The following SLC5A6 variants were observed in gnomAD, a reference collection of about 807,000 sequenced individuals.
The protein encoded by SLC5A6 is solute carrier family 5 member 6.
A neutral mutation model predicts 67.9 loss-of-function variants in SLC5A6; 31 were observed. The ratio of observed to expected loss-of-function variants is 0.46; its 90% CI spans 0.34 to 0.62. The LOEUF (loss-of-function observed/expected upper bound fraction) is 0.62, where lower values mean the gene tolerates loss of function less well. Ranked by LOEUF, SLC5A6 falls within the 20% of genes least tolerant of loss-of-function variation. The pLI is 0.01. For synonymous variants in SLC5A6, 343 were observed against 331.0 expected (o/e 1.04, Z -0.39); for missense variants, 673 against 812.8 (o/e 0.83, Z 2.09).
intron 9 of SLC5A6, 114 bp from the exon 10 acceptor site, chr2:27,203,981 A>C: frequency 1.4e-6 from 1 of 732,014 alleles, no homozygotes; most frequent in Non-Finnish European, 2.3e-6. Flanking sequence ...GACTGGGTGC[A>C]TTACAAGGGA....
rs896275569 is a variant in SLC5A6 at position 27,207,382 on chromosome 2, G to A, written c.269C>T (p.Ser90Leu). The A allele has an allele frequency of 6.2e-6, 10 of 1,614,076 alleles. No individual in the cohort carries two copies. The highest frequency in any genetic ancestry group is 8.5e-6 in the Non-Finnish European group (10 of 1,180,056). ...QSAVAILGVP[S>L]EIYRFGTQYW... is the part of the protein sequence containing the mutation. ...TTGGGTCCCAAATCGGTAGATCTCT[G>A]ACGGCACACCCAGGATGGCCACGGC... is the stretch of plus-strand genomic sequence containing the variant. Residue 90 changes from serine (S) to leucine (L), a missense_variant, in exon 3 of 17, where the codon TCA becomes TTA. Physicochemically the swap from Ser to Leu is moderately radical, Grantham distance 145 (BLOSUM62 -2). Transcript: ENST00000310574. This position sits in a 1 kb window ranked among gnomAD's most constrained non-coding sequence, Gnocchi z 5.5.
In SLC5A6 at chr2:27,205,425, A is replaced by G; in HGVS notation, c.659T>C (p.Val220Ala). ...CAAGCCGCCCACCTTGGCTGACCCC[A>G]CAATGATAACTGCCAGCTGCCCGAG... The part of the protein sequence containing the change: ...MFLGQLAVII[V>A]GSAKVGGLGR... Residue 220 changes from valine (V) to alanine (A), a missense_variant, in exon 7 of 17, where the codon GTG (valine) becomes GCG (alanine). Transcript: ENST00000310574. 1 of 1,614,046 alleles carries G rather than the reference A, an allele frequency of 6.2e-7. No individual in the cohort carries two copies. The highest frequency in any genetic ancestry group is 8.5e-7 in the Non-Finnish European group (1 of 1,179,950).
chr2:27,201,310 C>A, intron 15 of SLC5A6, 40 bp downstream of exon 15: 3 of 1,363,198 alleles, frequency 2.2e-6, no homozygotes, highest in East Asian at 2.3e-5. Context: ...CCTCTGTTAA[C>A]CCCTCGGTGC....
At chr2:27,206,738 G>A (rs1416438801) in intron 4 of SLC5A6, 139 bp downstream of exon 4, 5 of 879,760 alleles carry the variant, frequency 5.7e-6, no homozygotes, top group East Asian at 2.4e-5. Context: ...TGCCTCTGGG[G>A]TCCTCACAGA....
In SLC5A6 at chr2:27,203,768, A is replaced by C. The variant is rs756243963; in HGVS notation, c.1094+11T>G. On this transcript the variant is annotated intron_variant, in intron 10 of 16. Coordinates refer to ENST00000310574, the MANE Select transcript of SLC5A6 (RefSeq NM_021095.4). ...TGCACCAGGCCTGAGGGAAATCGTT[A>C]AAGTGGGTACCTGAGAGAGCCGCTG... is the stretch of plus-strand genomic sequence containing the variant. The C allele has an allele frequency of 7.5e-6, 12 of 1,608,280 alleles. No homozygotes were observed. The highest frequency in any genetic ancestry group is 2.2e-5 in the South Asian group (2 of 90,970).
intron 14 of SLC5A6, 27 bp from the exon 15 acceptor site, chr2:27,201,480 T>C (rs778308149): frequency 1.3e-6 from 2 of 1,511,306 alleles, no homozygotes; most frequent in Non-Finnish European, 1.8e-6. Context: ...TGAGAACAAT[T>C]AGCAATTCGT....
Position 27,203,882 on chromosome 2 carries a change from G to C in SLC5A6, c.1006-15C>G, listed in dbSNP as rs755517605. 1.2e-6 allele frequency: 2 copies of C among 1,604,014 alleles called. No individual in the cohort carries two copies. The highest frequency in any genetic ancestry group is 2.2e-5 in the South Asian group (2 of 90,760). The stretch of plus-strand genomic sequence containing the variant: ...TACAGGACGAACTGCAAGCAGAGCG[G>C]AGGTACACAGCAGTCCTCAGAGAGG... On this transcript the variant is annotated splice_polypyrimidine_tract_variant and intron_variant, in intron 9 of 16. Coordinates refer to ENST00000310574, the MANE Select transcript of SLC5A6 (RefSeq NM_021095.4).
At chr2:27,203,038 C>T (rs1020635696) in intron 11 of SLC5A6, 158 bp from the exon 12 acceptor site, 1 of 1,497,852 alleles carries the variant, frequency 6.7e-7, no homozygotes. Context: ...CAAGTCCTCA[C>T]TCCTATGTGA....
In SLC5A6 at chr2:27,202,722, T is replaced by C. The variant is rs138411641; in HGVS notation, c.1275+91A>G. 2.3e-3 allele frequency: 2,601 copies of C among 1,113,864 alleles called. 4 individuals carry two copies. Among genetic ancestry groups the C allele is most frequent in the Non-Finnish European group, 2.8e-3 (2,072 of 729,506 alleles). 69.0% of individuals were successfully genotyped at this position (1,113,864 alleles called of 1,614,324 possible). A position where few individuals can be genotyped will look rare whatever the true frequency, so the allele number is the denominator to read the frequency against. On this transcript the variant is annotated intron_variant, in intron 12 of 16. Coordinates refer to ENST00000310574, the MANE Select transcript of SLC5A6 (RefSeq NM_021095.4). ...ATCTCTTACGCCTGCCCCCCGGTCA[T>C]TCCCCTCAATATAGCTGCCCTTCTC...
chr2:27,201,120 G>A lies in SLC5A6; in HGVS notation c.1649-7C>T, dbSNP rs1279866349. The A allele has an allele frequency of 1.2e-6, 2 of 1,601,206 alleles. No homozygotes were observed. The highest frequency in any genetic ancestry group is 1.3e-5 in the African/African-American group (1 of 74,696). On this transcript the variant is annotated splice_region_variant and splice_polypyrimidine_tract_variant and intron_variant, in intron 15 of 16. Transcript: ENST00000310574. The stretch of plus-strand genomic sequence containing the variant: ...GACCGGCCTCGCATTCTCCCTGAAT[G>A]GAAATGTGCTTCTGAGTCTCTGGGT...
At chr2:27,206,401 C>T (rs1674066503) in intron 5 of SLC5A6, 82 bp downstream of exon 5, 1 of 1,319,160 alleles carries the variant, frequency 7.6e-7, no homozygotes. Flanking sequence ...TTCTTTTCCA[C>T]ATACGCTCCT....
chr2:27,206,794 G>A (rs563584175), intron 4 of SLC5A6, 83 bp downstream of exon 4: 5 of 1,115,284 alleles, frequency 4.5e-6, no homozygotes, highest in African/African-American at 1.5e-5. Context: ...CTGAGAGCAG[G>A]GGAGACTCCA....
upstream of SLC5A6, chr2:27,212,757 C>CT (rs1373379558): frequency 1.1e-6 from 1 of 872,566 alleles, no homozygotes; most frequent in East Asian, 3.5e-5. Flanking sequence ...TGTGTAATCT[C>CT]TCTACGCACG....
intron 2 of SLC5A6, among the ~76,000 whole-genome samples, chr2:27,211,246 C>T (rs1210093562): frequency 3.9e-5 from 6 of 152,188 alleles, no homozygotes; most frequent in Admixed American, 3.9e-4. Context: ...AGAAAATTTG[C>T]CAGCCAGCTA....
At chr2:27,205,872 C>G (rs1405028416) in intron 6 of SLC5A6, among the ~76,000 whole-genome samples, 154 bp downstream of exon 6, 2 of 152,206 alleles carry the variant, frequency 1.3e-5, no homozygotes, top group Non-Finnish European at 2.9e-5. Flanking sequence ...TATACCATCC[C>G]CACTGCTAAA....
chr2:27,212,402 C>G (rs981369967), upstream of SLC5A6: 27 of 1,551,666 alleles, frequency 1.7e-5, no homozygotes, highest in Non-Finnish European at 2.6e-6. Context: ...TCTTACGACC[C>G]TGGTGCCCTG....
chr2:27,210,946 C>T (rs1674441925), intron 2 of SLC5A6, among the ~76,000 whole-genome samples: 1 of 152,262 alleles, frequency 6.6e-6, no homozygotes, highest in East Asian at 1.9e-4. Context: ...ATGGCGTGAA[C>T]CCGCGAGGCG....
intron 7 of SLC5A6, 63 bp from the exon 8 acceptor site, chr2:27,204,994 G>T: frequency 6.3e-7 from 1 of 1,588,482 alleles, no homozygotes; most frequent in South Asian, 1.1e-5. Context: ...CTGCCCTCTT[G>T]GCAACAGGAG....
Position 27,203,224 on chromosome 2 carries a change from T to A in SLC5A6, c.1207+9A>T. ...CCCAGACTGAAGAGATGAGGAAGCA[T>A]AACCCCACCAAGGCCTCTGGAAAGC... On this transcript the variant is annotated intron_variant, in intron 11 of 16. Transcript: ENST00000310574. 1 of 1,614,116 alleles carries A rather than the reference T, an allele frequency of 6.2e-7. No individual in the cohort carries two copies. The highest frequency in any genetic ancestry group is 8.5e-7 in the Non-Finnish European group (1 of 1,180,004).
Sources: gnomAD v4.1 joint callset for allele counts (sites outside exome capture counted in the v4.1 genomes callset) on GRCh38, gnomAD v4.1.1 for gene constraint, Gnocchi (gnomAD v3.1) non-coding constraint, MANE v1.5 for transcripts, NCBI Gene and HGNC (gene_info 2026-07-23, HGNC 2026-07-21) for gene names.